Variants in WDFY3 observed in about 807,000 individuals in gnomAD.
WDFY3 encodes WD repeat and FYVE domain containing 3.
A neutral mutation model predicts 409.6 loss-of-function variants in WDFY3; 66 were observed. That is an observed-to-expected ratio of 0.16 (90% confidence interval 0.13 to 0.20). The LOEUF (loss-of-function observed/expected upper bound fraction) is 0.20, where lower values mean the gene tolerates loss of function less well. Among genes scored for constraint, WDFY3 ranks in the 10% least tolerant of loss-of-function variants. The pLI is 1.00. For synonymous variants in WDFY3, 1,521 were observed against 1,537.1 expected (o/e 0.99, Z 0.25); for missense variants, 3,031 against 4,298.1 (o/e 0.71, Z 8.24).
intron 3 of WDFY3, among the ~76,000 whole-genome samples, chr4:84,862,503 G>T (rs1019516531): frequency 6.6e-6 from 1 of 152,092 alleles, no homozygotes; most frequent in Non-Finnish European, 1.5e-5. Flanking sequence ...CTATGTGCTG[G>T]TATTTACAGT....
intron 2 of WDFY3, among the ~76,000 whole-genome samples, chr4:84,922,566 A>G (rs1319016335): frequency 6.6e-6 from 1 of 152,134 alleles, no homozygotes; most frequent in Non-Finnish European, 1.5e-5. Context: ...TTGGATTTCT[A>G]TAGGTCTAAG....
intron 36 of WDFY3, among the ~76,000 whole-genome samples, chr4:84,750,622 A>C (rs539418087): frequency 6.6e-6 from 1 of 152,340 alleles, no homozygotes; most frequent in South Asian, 2.1e-4. Context: ...ATTTATATGA[A>C]TTGGTCAAAA....
chr4:84,789,136 T>C (rs1389063892), intron 22 of WDFY3, among the ~76,000 whole-genome samples: 1 of 152,230 alleles, frequency 6.6e-6, no homozygotes, highest in African/African-American at 2.4e-5. Context: ...ACAAGCAGGA[T>C]TTATTCTCAT....
intron 21 of WDFY3, among the ~76,000 whole-genome samples, chr4:84,792,702 T>C (rs1291518669): frequency 1.3e-5 from 2 of 152,148 alleles, no homozygotes; most frequent in African/African-American, 4.8e-5. Flanking sequence ...AAAAATGAGA[T>C]AAGAGTTAGA....
intron 33 of WDFY3, among the ~76,000 whole-genome samples, chr4:84,756,322 C>A (rs1202038040): frequency 6.6e-6 from 1 of 151,998 alleles, no homozygotes; most frequent in Non-Finnish European, 1.5e-5. Context: ...CAGTGGCTCG[C>A]GCCTGTAATC....
At chr4:84,673,333 A>G (rs1725736108) in intron 67 of WDFY3, among the ~76,000 whole-genome samples, 2 of 152,202 alleles carry the variant, frequency 1.3e-5, no homozygotes, top group African/African-American at 4.8e-5. Flanking sequence ...ATGGCCTATA[A>G]GCTTGGGAGG....
chr4:84,787,817 A>G (rs1180358776), intron 22 of WDFY3, 104 bp from the exon 23 acceptor site: 7 of 1,021,094 alleles, frequency 6.9e-6, no homozygotes, highest in Admixed American at 2.6e-5. Context: ...ACACAACTTT[A>G]CAAATGCACA....
intron 21 of WDFY3, 135 bp from the exon 22 acceptor site, chr4:84,790,042 ACTCTGG>A: frequency 2.0e-6 from 2 of 991,266 alleles, no homozygotes; most frequent in South Asian, 3.5e-5. Flanking sequence ...TAATAATACA[ACTCTGG>A]AAAAAAAAAT....
chr4:84,715,293 A>G lies in WDFY3; in HGVS notation c.7961+5T>C, dbSNP rs1209620473. The G allele has an allele frequency of 6.4e-7, 1 of 1,567,682 alleles. No homozygotes were observed. Among genetic ancestry groups the G allele is most frequent in the Admixed American group, 1.7e-5 (1 of 59,490 alleles). On this transcript the variant is annotated splice_donor_5th_base_variant and intron_variant, in intron 50 of 67. Coordinates refer to ENST00000295888, the MANE Select transcript of WDFY3 (RefSeq NM_014991.6). The stretch of plus-strand genomic sequence containing the variant: ...AGTATACAAAGTGTTCCGAATAAAC[A>G]AGACCTTTGATAGACTTTGTTTCTG...
intron 12 of WDFY3, among the ~76,000 whole-genome samples, chr4:84,818,155 A>C (rs1753576879): frequency 6.6e-6 from 1 of 152,100 alleles, no homozygotes; most frequent in Non-Finnish European, 1.5e-5. Context: ...CTCATCCCCT[A>C]CCATATAGAG....
intron 2 of WDFY3, among the ~76,000 whole-genome samples, chr4:84,913,358 A>G (rs1006490123): frequency 6.6e-6 from 1 of 152,194 alleles, no homozygotes; most frequent in Non-Finnish European, 1.5e-5. Context: ...CCTGTTGGAG[A>G]AAAATGTTCC....
At chr4:84,686,848 C>A (rs1373292991) in intron 62 of WDFY3, among the ~76,000 whole-genome samples, 1 of 152,164 alleles carries the variant, frequency 6.6e-6, no homozygotes, top group Non-Finnish European at 1.5e-5. Flanking sequence ...TCTCTGTAAA[C>A]CTGCCCTCAA....
rs1278556063 is a variant in WDFY3 at position 84,753,724 on chromosome 4, G to A, written c.5712C>T (p.Pro1904=). The A allele has an allele frequency of 6.3e-7, 1 of 1,597,570 alleles. No homozygotes were observed. Among genetic ancestry groups the A allele is most frequent in the Non-Finnish European group, 8.5e-7 (1 of 1,172,906 alleles). ...FLCALAATVF[P]FNIRPYSEMV... ...TCTCTGAGTAAGGGCGAATATTGAAGGGGAAGACGGTGGCTGCTAATGCAC... is the reference window on the plus strand; with the variant it reads ...TCTCTGAGTAAGGGCGAATATTGAAAGGGAAGACGGTGGCTGCTAATGCAC... The change falls in exon 35 of 68, where the codon CCC becomes CCT. Residue 1904 remains proline, a synonymous_variant. Coordinates refer to ENST00000295888, the MANE Select transcript of WDFY3 (RefSeq NM_014991.6).
At chr4:84,940,594 T>C (rs968679657) in intron 1 of WDFY3, among the ~76,000 whole-genome samples, 14 of 152,092 alleles carry the variant, frequency 9.2e-5, no homozygotes, top group African/African-American at 3.4e-4. Flanking sequence ...TTTTCTTACA[T>C]AAAAGATAGC....
chr4:84,831,377 A>C (rs113696949), intron 8 of WDFY3, 36 bp downstream of exon 8: 1 of 1,357,840 alleles, frequency 7.4e-7, no homozygotes, highest in Non-Finnish European at 9.7e-7. Flanking sequence ...AAGTGGAAGA[A>C]ATTTAGAACA....
intron 17 of WDFY3, among the ~76,000 whole-genome samples, chr4:84,801,363 A>C (rs1392131385): frequency 6.6e-6 from 1 of 152,238 alleles, no homozygotes; most frequent in East Asian, 1.9e-4. Flanking sequence ...TACATATGAA[A>C]AGTTATTAAA....
At chr4:84,758,757 T>C (rs1203637753) in intron 32 of WDFY3, among the ~76,000 whole-genome samples, 1 of 152,178 alleles carries the variant, frequency 6.6e-6, no homozygotes, top group Non-Finnish European at 1.5e-5. Context: ...AAAAACTCTT[T>C]CCCATATCAT....
chr4:84,918,705 G>A (rs902510962), intron 2 of WDFY3, among the ~76,000 whole-genome samples: 21 of 150,474 alleles, frequency 1.4e-4, no homozygotes, highest in African/African-American at 5.1e-4. Context: ...AGAATTGGAG[G>A]TATCAATGTA....
At position 84,947,270 on chromosome 4, in the gene WDFY3, T is replaced by C. The variant is rs1279426706; in HGVS notation, c.-225-14907A>G. 5.3e-5 allele frequency among the ~76,000 whole-genome samples: 8 copies of C among 149,550 alleles called. 1 individual carries two copies. Among genetic ancestry groups the C allele is most frequent in the African/African-American group, 2.0e-4 (8 of 40,822 alleles). ...ACTTATGCCTGTAATCCTAGCACTT[T>C]GGGAAGCCGAGGCGGGCGGATCACG... On this transcript the variant is annotated intron_variant, in intron 1 of 67. Coordinates refer to ENST00000295888, the MANE Select transcript of WDFY3 (RefSeq NM_014991.6).
Sources: gnomAD v4.1 joint callset for allele counts (sites outside exome capture counted in the v4.1 genomes callset) on GRCh38, gnomAD v4.1.1 for gene constraint, MANE v1.5 for transcripts, NCBI Gene and HGNC (gene_info 2026-07-23, HGNC 2026-07-21) for gene names.